The following CCDC18 variants were observed in gnomAD, a reference collection of about 807,000 sequenced individuals.
CCDC18 encodes coiled-coil domain-containing protein 18.
A neutral mutation model predicts 196.0 loss-of-function variants in CCDC18; 157 were observed. The ratio of observed to expected loss-of-function variants is 0.80; its 90% CI spans 0.70 to 0.91. CCDC18 has a LOEUF of 0.91. Ranked by LOEUF, CCDC18 falls within the 40% of genes least tolerant of loss-of-function variation. CCDC18 has a pLI of 0.00. For missense variants in CCDC18, 1,465 were observed against 1,611.6 expected, an observed-to-expected ratio of 0.91 and a Z score of 1.56; for synonymous variants, 482 against 529.2, an observed-to-expected ratio of 0.91 and a Z score of 1.22.
chr1:93,201,965 A>G lies in CCDC18; in HGVS notation c.772A>G (p.Lys258Glu). 4 of 1,610,152 alleles carry G rather than the reference A, an allele frequency of 2.5e-6. No individual in the cohort carries two copies. Among genetic ancestry groups the G allele is most frequent in the South Asian group, 1.1e-5 (1 of 90,392 alleles). Residue 258 changes from lysine to glutamate, a missense_variant, in exon 7 of 29, where the codon AAA (lysine) becomes GAA (glutamate). Physicochemically the swap from Lys to Glu is moderately conservative, Grantham distance 56. Transcript: ENST00000690025. ...TAAAGCTTTCCAACAATATAAAAAA[A>G]AAGTGGCTGAAAAACTGGAAAAGGT... ...LSKAFQQYKKKVAEKLEKVQA... is the reference protein window; with the variant it reads ...LSKAFQQYKKEVAEKLEKVQA...
At chr1:93,197,750 T>C (rs543466826) in intron 6 of CCDC18, among the ~76,000 whole-genome samples, 13 of 131,854 alleles carry the variant, frequency 9.9e-5, no homozygotes, top group African/African-American at 1.7e-4. Flanking sequence ...CTTTTCTTTT[T>C]TTTTTTTTTT....
chr1:93,264,525 C>T (rs1664233469), intron 26 of CCDC18, 176 bp from the exon 27 acceptor site: 1 of 473,704 alleles, frequency 2.1e-6, no homozygotes, highest in South Asian at 3.4e-5. Flanking sequence ...ATTATGGATT[C>T]CTTTGTTCCC....
chr1:93,200,357 C>T lies in CCDC18; in HGVS notation c.699-1535C>T, dbSNP rs998573191. ...TTTAAAAAAAAAAAAAAAGCGAGAA[C>T]AGGCTGGACACAGTGACTCACTCCA... On this transcript the variant is annotated intron_variant, in intron 6 of 28. Coordinates refer to ENST00000690025, the MANE Select transcript of CCDC18 (RefSeq NM_001378204.1). Among the ~76,000 whole-genome samples, 29 of 142,402 alleles carry T rather than the reference C, an allele frequency of 2.0e-4. 1 individual carries two copies. The highest frequency in any genetic ancestry group is 7.3e-4 in the African/African-American group (28 of 38,614). The allele number at this position is 142,402 out of a possible 152,430, so 93.4% of individuals were successfully genotyped here. A position where few individuals can be genotyped will look rare whatever the true frequency, so the allele number is the denominator to read the frequency against.
intron 6 of CCDC18, among the ~76,000 whole-genome samples, chr1:93,196,780 T>C (rs577482846): frequency 3.0e-4 from 46 of 152,350 alleles, no homozygotes; most frequent in African/African-American, 1.1e-3. Flanking sequence ...GTTACCTCAC[T>C]ATGCTAGAAA....
At chr1:93,221,528 T>G in intron 14 of CCDC18, 81 bp from the exon 15 acceptor site, 1 of 944,794 alleles carries the variant, frequency 1.1e-6, no homozygotes. Context: ...TAATTTCAAT[T>G]ATAGTGTCAC....
intron 3 of CCDC18, among the ~76,000 whole-genome samples, chr1:93,184,674 CTT>C (rs1352873610): frequency 6.6e-6 from 1 of 151,912 alleles, no homozygotes; most frequent in African/African-American, 2.4e-5. Flanking sequence ...TCACTCAACT[CTT>C]TTATCTCCTT....
rs778338363 is a variant in CCDC18, at chr1:93,270,739, G to C, written c.4278G>C (p.Gly1426=). 3.2e-6 allele frequency: 5 copies of C among 1,549,412 alleles called. No individual in the cohort carries two copies. The South Asian group carries it at 4.8e-5, about 15-fold the overall frequency. Reference sequence around the variant, plus strand: ...ATAATGACTTTAACACGCTTAGTGGGATGCTAAGATACATAAACAAAGAAG... The same window carrying C: ...ATAATGACTTTAACACGCTTAGTGGCATGCTAAGATACATAAACAAAGAAG... The part of the protein sequence containing the change: ...SENNDFNTLS[G]MLRYINKEVR... The change falls in exon 28 of 29, where the codon GGG becomes GGC. Residue 1426 remains glycine (G), a synonymous_variant. Transcript: ENST00000690025.
chr1:93,251,722 T>G (rs1186518577), intron 23 of CCDC18, among the ~76,000 whole-genome samples: 1 of 152,174 alleles, frequency 6.6e-6, no homozygotes, highest in Admixed American at 6.5e-5. Context: ...TCTTTGATCT[T>G]TGAGAGTTTC....
intron 27 of CCDC18, among the ~76,000 whole-genome samples, chr1:93,268,416 A>T (rs547531057): frequency 6.6e-6 from 1 of 152,374 alleles, no homozygotes; most frequent in African/African-American, 2.4e-5. Flanking sequence ...ATGGCAACAA[A>T]AACCAAAATA....
At chr1:93,273,001 T>C (rs1030581779) in intron 28 of CCDC18, among the ~76,000 whole-genome samples, 15 of 151,954 alleles carry the variant, frequency 9.9e-5, no homozygotes, top group Middle Eastern at 3.2e-3. Flanking sequence ...AGGCAGAATA[T>C]GGGAGCACAG....
chr1:93,183,570 G>A lies in CCDC18; in HGVS notation c.134+75G>A, dbSNP rs560920273. ...ATGTAAAATGTGTGGATTTCATTAT[G>A]ATGTATTGTTTCTAACCTGCCTCTG... is the stretch of plus-strand genomic sequence containing the variant. On this transcript the variant is annotated intron_variant, in intron 2 of 28. Transcript: ENST00000690025. The A allele has an allele frequency of 3.4e-4, 372 of 1,100,182 alleles. 2 individuals are homozygous for A. The African/African-American group carries it at 5.5e-3, about 16-fold the overall frequency. The allele number at this position is 1,100,182 out of a possible 1,614,324, so 68.2% of individuals were successfully genotyped here. A position where few individuals can be genotyped will look rare whatever the true frequency, so the allele number is the denominator to read the frequency against.
At position 93,270,640 on chromosome 1, in the gene CCDC18, T is replaced by C. The variant is rs1412726247; in HGVS notation, c.4179T>C (p.His1393=). The C allele has an allele frequency of 3.9e-6, 6 of 1,550,258 alleles. No homozygotes were observed. The highest frequency in any genetic ancestry group is 4.4e-6 in the Non-Finnish European group (5 of 1,146,896). ...AGCCTTCAACATTAGAAGAAAGCCA[T>C]AAGAATCTGACTTACACCCAGCCAG... The part of the protein sequence containing the change: ...LEQPSTLEES[H]KNLTYTQPDS... Residue 1393 remains histidine (H), a synonymous_variant, in exon 28 of 29, where the codon CAT becomes CAC. Transcript: ENST00000690025.
upstream of CCDC18, chr1:93,180,515 A>G (rs551379445): frequency 3.3e-6 from 5 of 1,532,272 alleles, no homozygotes; most frequent in South Asian, 1.1e-5. Flanking sequence ...TCTCCCCCTG[A>G]CGGCCTCCGG....
At chr1:93,254,199 T>C (rs775480926) in intron 23 of CCDC18, among the ~76,000 whole-genome samples, 8 of 152,168 alleles carry the variant, frequency 5.3e-5, no homozygotes, top group Non-Finnish European at 1.2e-4. Context: ...GTAGTTTTGG[T>C]TACATAGATA....
Position 93,214,790 on chromosome 1 carries a change from G to A in CCDC18, c.1543G>A (p.Glu515Lys). The A allele has an allele frequency of 1.2e-6, 2 of 1,612,908 alleles. No individual in the cohort carries two copies. Among genetic ancestry groups the A allele is most frequent in the Non-Finnish European group, 1.7e-6 (2 of 1,179,694 alleles). Residue 515 changes from glutamate to lysine, a missense_variant, in exon 12 of 29, where the codon GAA (glutamate) becomes AAA (lysine). Physicochemically the swap from Glu to Lys is moderately conservative, Grantham distance 56. Transcript: ENST00000690025. Reference sequence around the variant, plus strand: ...TCAACATACTATGAACAAGCAATATGAAAAAGAGAGGCAAAGACTTGTTAC... The same window carrying A: ...TCAACATACTATGAACAAGCAATATAAAAAAGAGAGGCAAAGACTTGTTAC... Reference protein sequence around the residue: ...QNQHTMNKQYEKERQRLVTGI... With the variant: ...QNQHTMNKQYKKERQRLVTGI...
Position 93,207,245 on chromosome 1 carries a change from A to G in CCDC18, c.1056A>G (p.Glu352=), listed in dbSNP as rs1278231529. The G allele has an allele frequency of 6.2e-7, 1 of 1,613,752 alleles. No homozygotes were observed. The highest frequency in any genetic ancestry group is 1.7e-5 in the Admixed American group (1 of 60,002). The change falls in exon 9 of 29, where the codon GAA becomes GAG. Residue 352 remains glutamate (E), a synonymous_variant. Coordinates refer to ENST00000690025, the MANE Select transcript of CCDC18 (RefSeq NM_001378204.1). Reference sequence around the variant, plus strand: ...AGAGTGAGTTAGAGAACAAAGACGAAATACTTAGAGACAAATTTTCTTTAA... The same window carrying G: ...AGAGTGAGTTAGAGAACAAAGACGAGATACTTAGAGACAAATTTTCTTTAA... The part of the protein sequence containing the change: ...KLESELENKD[E]ILRDKFSLMN...
At chr1:93,187,233 A>G (rs1381830173) in intron 4 of CCDC18, among the ~76,000 whole-genome samples, 1 of 152,068 alleles carries the variant, frequency 6.6e-6, no homozygotes, top group Non-Finnish European at 1.5e-5. Flanking sequence ...ATATACTAGT[A>G]CTAAGATGCA....
At chr1:93,241,970 A>G (rs554915982) in intron 21 of CCDC18, among the ~76,000 whole-genome samples, 6 of 152,352 alleles carry the variant, frequency 3.9e-5, no homozygotes, top group African/African-American at 1.4e-4. Context: ...AAAATGGTGC[A>G]GCCACTGTAG....
intron 24 of CCDC18, 76 bp downstream of exon 24, chr1:93,254,690 G>A: frequency 8.5e-6 from 12 of 1,411,198 alleles, no homozygotes; most frequent in Non-Finnish European, 1.2e-5. Flanking sequence ...TTTTAAACTG[G>A]TTGGTTTTAA....
Sources: allele counts gnomAD v4.1 joint callset (sites outside exome capture counted in the v4.1 genomes callset), GRCh38; gene constraint gnomAD v4.1.1; transcripts MANE v1.5; gene names NCBI Gene and HGNC (gene_info 2026-07-23, HGNC 2026-07-21).